The following NDE1 variants were observed in gnomAD, a reference collection of about 807,000 sequenced individuals.
NDE1 encodes nuclear distribution protein nudE homolog 1.
Under a neutral mutation model 43.4 loss-of-function variants are expected in NDE1, and 28 were observed. The ratio of observed to expected loss-of-function variants is 0.65; its 90% CI spans 0.48 to 0.89. The LOEUF (loss-of-function observed/expected upper bound fraction) is 0.89. Among genes scored for constraint, NDE1 ranks in the 40% least tolerant of loss-of-function variants. NDE1 has a pLI of 0.00. For missense variants in NDE1, 441 were observed against 434.1 expected, an observed-to-expected ratio of 1.02 and a Z score of -0.14; for synonymous variants, 184 against 172.0, an observed-to-expected ratio of 1.07 and a Z score of -0.55.
intron 4 of NDE1, 40 bp from the exon 5 acceptor site, chr16:15,687,335 G>T (rs114010924): frequency 6.2e-7 from 1 of 1,613,662 alleles, no homozygotes; most frequent in Non-Finnish European, 8.5e-7. Flanking sequence ...GGGATGCTGC[G>T]GTTTGTCCTC....
intron 8 of NDE1, among the ~76,000 whole-genome samples, chr16:15,705,301 C>T (rs1157914858): frequency 6.6e-6 from 1 of 152,100 alleles, no homozygotes. Context: ...GATTTTAGCT[C>T]CAGCCAGTAG....
Position 15,724,339 on chromosome 16 carries a change from C to T in NDE1, c.*88C>T, listed in dbSNP as rs755794886. ...GAGGTTCTCGATCTCCTTCTGGAACCTCTTCTTCCCCTCTTCCAGAGCTTC... is the reference window on the plus strand; with the variant it reads ...GAGGTTCTCGATCTCCTTCTGGAACTTCTTCTTCCCCTCTTCCAGAGCTTC... On this transcript the variant is annotated 3_prime_UTR_variant, in exon 9 of 9. Coordinates refer to ENST00000396354, the MANE Select transcript of NDE1 (RefSeq NM_017668.3). 6.8e-6 allele frequency: 11 copies of T among 1,614,018 alleles called. No homozygotes were observed. In the East Asian group the frequency reaches 2.2e-4, roughly 33 times the overall value.
At chr16:15,652,748 C>T (rs1310521377) in intron 1 of NDE1, among the ~76,000 whole-genome samples, 1 of 152,156 alleles carries the variant, frequency 6.6e-6, no homozygotes, top group Non-Finnish European at 1.5e-5. Flanking sequence ...ACTGCAGTCT[C>T]GACCTCTCAG....
chr16:15,683,288 A>G (rs1252749663), intron 4 of NDE1: 2 of 152,188 alleles, frequency 1.3e-5, no homozygotes, highest in African/African-American at 4.8e-5. Context: ...ACATGAAATT[A>G]ACAGCTTTCA....
In NDE1 at chr16:15,693,140, T is replaced by C. The variant is rs369387358; in HGVS notation, c.704-1025T>C. On this transcript the variant is annotated intron_variant, in intron 6 of 8. Transcript: ENST00000396354. ...CCTCAGCCTCCCGAGTAGCTGGGAT[T>C]ACAGGCAGGCACCTGTTACCATGCC... 4.6e-5 allele frequency among the ~76,000 whole-genome samples: 7 copies of C among 152,272 alleles called. No homozygotes were observed. In the East Asian group the frequency reaches 1.4e-3, roughly 29 times the overall value.
In NDE1 at chr16:15,720,303, A is replaced by C; in HGVS notation, c.948-3888A>C. Reference sequence around the variant, plus strand: ...CGCTCGTCTTCCAGTTCCGTCTCATACTCGTGAAGCTGGGCGAGGAATAGA... The same window carrying C: ...CGCTCGTCTTCCAGTTCCGTCTCATCCTCGTGAAGCTGGGCGAGGAATAGA... On this transcript the variant is annotated intron_variant, in intron 8 of 8. Coordinates refer to ENST00000396354, the MANE Select transcript of NDE1 (RefSeq NM_017668.3). 6.2e-7 allele frequency: 1 copy of C among 1,613,764 alleles called. No homozygotes were observed. The highest frequency in any genetic ancestry group is 8.5e-7 in the Non-Finnish European group (1 of 1,179,942).
chr16:15,699,495 T>C, intron 8 of NDE1: 1 of 1,109,794 alleles, frequency 9.0e-7, no homozygotes, highest in South Asian at 1.9e-5. Context: ...AAACAAACAA[T>C]AGGTAAGAGA....
chr16:15,688,292 A>T (rs2038542789), intron 5 of NDE1, among the ~76,000 whole-genome samples: 1 of 152,068 alleles, frequency 6.6e-6, no homozygotes, highest in Non-Finnish European at 1.5e-5. Flanking sequence ...CCTCATCAGC[A>T]TTTGCTCTTT....
chr16:15,715,511 C>T (rs1415965055), intron 8 of NDE1, among the ~76,000 whole-genome samples: 1 of 152,232 alleles, frequency 6.6e-6, no homozygotes. Flanking sequence ...TAGCAGACAA[C>T]ATAGTGTGTG....
In NDE1 at chr16:15,691,195, C is replaced by T; in HGVS notation, c.575C>T (p.Pro192Leu). The T allele has an allele frequency of 6.2e-7, 1 of 1,614,136 alleles. No homozygotes were observed. Among genetic ancestry groups the T allele is most frequent in the South Asian group, 1.1e-5 (1 of 91,080 alleles). ...VQQKQEKPRT[P>L]MPSSVEAERT... ...CAGAAGCAGGAGAAACCCAGGACCC[C>T]CATGCCCAGCTCAGTGGAAGCTGAG... The change falls in exon 6 of 9, where the codon CCC (proline) becomes CTC (leucine). Residue 192 changes from proline to leucine, a missense_variant. Coordinates refer to ENST00000396354, the MANE Select transcript of NDE1 (RefSeq NM_017668.3).
At chr16:15,676,500 C>G (rs2037888207) in intron 3 of NDE1, among the ~76,000 whole-genome samples, 1 of 152,114 alleles carries the variant, frequency 6.6e-6, no homozygotes, top group Admixed American at 6.6e-5. Flanking sequence ...GTGTGAGCCA[C>G]TGCGCCTGGC....
At position 15,662,094 on chromosome 16, in the gene NDE1, A is replaced by G. The variant is rs140292413; in HGVS notation, c.-43-2642A>G. ...GACTACAGATGTGTTGCACCACACC[A>G]GTCTAATTTTTTAAAAAGTTTTTTT... is the stretch of plus-strand genomic sequence containing the variant. On this transcript the variant is annotated intron_variant, in intron 1 of 8. Transcript: ENST00000396354. 7.3e-5 allele frequency among the ~76,000 whole-genome samples: 11 copies of G among 151,386 alleles called. No individual in the cohort carries two copies. In the East Asian group the frequency reaches 2.2e-3, roughly 30 times the overall value.
chr16:15,651,309 C>T (rs2151388052), intron 1 of NDE1, among the ~76,000 whole-genome samples: 1 of 152,070 alleles, frequency 6.6e-6, no homozygotes, highest in East Asian at 1.9e-4. Flanking sequence ...TGTATTCTAG[C>T]ATAGGATGGC....
At chr16:15,692,222 TC>T (rs898712274) in intron 6 of NDE1, among the ~76,000 whole-genome samples, 1 of 152,158 alleles carries the variant, frequency 6.6e-6, no homozygotes, top group African/African-American at 2.4e-5. Context: ...GCAGGTGCTG[TC>T]CCCGTTTGAT....
At chr16:15,661,157 T>G (rs999480414) in intron 1 of NDE1, among the ~76,000 whole-genome samples, 3 of 33,480 alleles carry the variant, frequency 9.0e-5, no homozygotes, top group Non-Finnish European at 2.2e-4. Context: ...GTTTTACTTG[T>G]TTTTTTTTTT....
In NDE1 at chr16:15,720,877, C is replaced by T. The variant is rs773895582; in HGVS notation, c.948-3314C>T. On this transcript the variant is annotated intron_variant, in intron 8 of 8. Transcript: ENST00000396354. ...TGCCTCCTCTTCTCCTCATTCTGCT[C>T]GTCCCGGGCTTGGAGATCCCTTTCG... 10 of 1,614,006 alleles carry T rather than the reference C, an allele frequency of 6.2e-6. No individual in the cohort carries two copies. In the East Asian group the frequency reaches 1.1e-4, roughly 18 times the overall value.
chr16:15,715,217 T>C, intron 8 of NDE1: 1 of 1,614,160 alleles, frequency 6.2e-7, no homozygotes, highest in Non-Finnish European at 8.5e-7. Flanking sequence ...TGCAGCAAGA[T>C]TTCCTTCAGC....
intron 4 of NDE1, among the ~76,000 whole-genome samples, chr16:15,679,721 T>C (rs2038076257): frequency 6.6e-6 from 1 of 152,294 alleles, no homozygotes; most frequent in South Asian, 2.1e-4. Flanking sequence ...GGGGTTGTAT[T>C]GTAGGCAGTG....
intron 8 of NDE1, chr16:15,714,145 T>TA (rs1372658974): frequency 6.6e-6 from 1 of 152,604 alleles, no homozygotes; most frequent in Non-Finnish European, 1.5e-5. Flanking sequence ...AGCCCGGAGC[T>TA]AAAACCTCCT....
Sources: allele counts gnomAD v4.1 joint callset (sites outside exome capture counted in the v4.1 genomes callset), GRCh38; gene constraint gnomAD v4.1.1; transcripts MANE v1.5; gene names NCBI Gene and HGNC (gene_info 2026-07-23, HGNC 2026-07-21).